Variants in RHBDL2 observed in about 807,000 individuals in gnomAD.
RHBDL2 encodes rhomboid like 2, also known as rhomboid-related protein 2.
A neutral mutation model predicts 31.7 loss-of-function variants in RHBDL2; 26 were observed. The ratio of observed to expected loss-of-function variants is 0.82; its 90% CI spans 0.60 to 1.14. RHBDL2 has a LOEUF of 1.14. Ranked by LOEUF, RHBDL2 falls within the 50% of genes most tolerant of loss-of-function variation. The pLI is 0.00. For synonymous variants in RHBDL2, 123 were observed against 127.2 expected, an observed-to-expected ratio of 0.97 and a Z score of 0.22; for missense variants, 336 against 364.4, an observed-to-expected ratio of 0.92 and a Z score of 0.63.
intron 6 of RHBDL2, among the ~76,000 whole-genome samples, chr1:38,888,425 A>G (rs144009660): frequency 2.0e-5 from 3 of 152,224 alleles, no homozygotes; most frequent in Non-Finnish European, 4.4e-5. Context: ...GCTAAGTGCT[A>G]TGGAGAAAAT....
chr1:38,924,782 CTTT>C (rs111244874), intron 1 of RHBDL2, among the ~76,000 whole-genome samples: 3 of 125,820 alleles, frequency 2.4e-5, no homozygotes, highest in Non-Finnish European at 5.0e-5. Context: ...TTTCTTTTTT[CTTT>C]TTTTTTTTTT....
At chr1:38,905,363 C>A (rs1200164674) in intron 4 of RHBDL2, among the ~76,000 whole-genome samples, 2 of 151,958 alleles carry the variant, frequency 1.3e-5, no homozygotes, top group African/African-American at 2.4e-5. Context: ...TTGTGCCCAG[C>A]CTTATTTTTC....
At chr1:38,924,572 C>T (rs61342841) in intron 1 of RHBDL2, among the ~76,000 whole-genome samples, 23,695 of 151,226 alleles carry the variant, frequency 0.16, 3,831 homozygotes, top group African/African-American at 0.41. Flanking sequence ...CCAGCCTGGG[C>T]GACAGAGCAA....
At chr1:38,896,604 A>C (rs1642921533) in intron 4 of RHBDL2, among the ~76,000 whole-genome samples, 2 of 152,212 alleles carry the variant, frequency 1.3e-5, no homozygotes, top group South Asian at 4.1e-4. Flanking sequence ...TGTTCAGTCA[A>C]AATACCTGAG....
intron 4 of RHBDL2, among the ~76,000 whole-genome samples, chr1:38,898,961 T>TGA (rs1642955365): frequency 1.3e-5 from 2 of 152,174 alleles, no homozygotes; most frequent in Non-Finnish European, 2.9e-5. Flanking sequence ...CATCTCAATC[T>TGA]TAAAATATAT....
chr1:38,909,025 G>A (rs1643105961), intron 4 of RHBDL2, among the ~76,000 whole-genome samples: 1 of 152,186 alleles, frequency 6.6e-6, no homozygotes, highest in Admixed American at 6.5e-5. Context: ...GACTGCCCCA[G>A]CCAAACTCCG....
chr1:38,918,776 C>T (rs994634305), intron 2 of RHBDL2, among the ~76,000 whole-genome samples, 191 bp downstream of exon 2: 1 of 152,088 alleles, frequency 6.6e-6, no homozygotes, highest in African/African-American at 2.4e-5. Context: ...TGGCAGTGAC[C>T]GTGAGTATAG....
intron 4 of RHBDL2, among the ~76,000 whole-genome samples, chr1:38,900,419 G>A (rs1049304140): frequency 1.3e-5 from 2 of 151,076 alleles, no homozygotes; most frequent in East Asian, 4.0e-4. Context: ...TCGGAAGTTT[G>A]AGACCAGCCT....
intron 4 of RHBDL2, among the ~76,000 whole-genome samples, chr1:38,905,065 T>C (rs930309482): frequency 6.6e-6 from 1 of 150,606 alleles, no homozygotes; most frequent in Non-Finnish European, 1.5e-5. Flanking sequence ...AATTATAGAT[T>C]TAATATTTAT....
intron 6 of RHBDL2, among the ~76,000 whole-genome samples, chr1:38,890,871 T>C (rs552544510): frequency 6.6e-6 from 1 of 152,200 alleles, no homozygotes; most frequent in Non-Finnish European, 1.5e-5. Context: ...TGACCAATTT[T>C]TTTGTAGAGA....
chr1:38,928,897 CA>C (rs58146406), intron 1 of RHBDL2, among the ~76,000 whole-genome samples: 2 of 150,904 alleles, frequency 1.3e-5, no homozygotes, highest in Non-Finnish European at 1.5e-5. Context: ...CCTTTCTCTA[CA>C]AAAAAAAATT....
At chr1:38,897,342 T>C (rs1422285172) in intron 4 of RHBDL2, among the ~76,000 whole-genome samples, 4 of 152,234 alleles carry the variant, frequency 2.6e-5, no homozygotes, top group African/African-American at 2.4e-5. Flanking sequence ...CCTCGTGATC[T>C]GCCCACCTCG....
intron 4 of RHBDL2, among the ~76,000 whole-genome samples, chr1:38,903,341 T>C (rs908557786): frequency 2.0e-5 from 3 of 151,960 alleles, no homozygotes; most frequent in Non-Finnish European, 4.4e-5. Flanking sequence ...GGTTTCACTA[T>C]GTTGCCCAGG....
intron 4 of RHBDL2, among the ~76,000 whole-genome samples, chr1:38,903,332 G>T (rs1643019385): frequency 6.6e-6 from 1 of 151,506 alleles, no homozygotes; most frequent in Admixed American, 6.6e-5. Context: ...TAGAGACGGG[G>T]TTTCACTATG....
intron 2 of RHBDL2, 45 bp from the exon 3 acceptor site, chr1:38,915,755 A>G (rs1643226313): frequency 6.2e-7 from 1 of 1,609,508 alleles, no homozygotes; most frequent in Admixed American, 1.7e-5. Context: ...CCTTCTCCAG[A>G]GAGGGGCCCC....
At chr1:38,903,526 A>G (rs1643021873) in intron 4 of RHBDL2, among the ~76,000 whole-genome samples, 1 of 152,220 alleles carries the variant, frequency 6.6e-6, no homozygotes, top group Non-Finnish European at 1.5e-5. Flanking sequence ...AAAACTCTGC[A>G]AGACATAAAC....
chr1:38,895,841 T>A (rs1024491742), intron 5 of RHBDL2, 128 bp downstream of exon 5: 1 of 636,758 alleles, frequency 1.6e-6, no homozygotes, highest in African/African-American at 1.8e-5. Flanking sequence ...AAAATGGCAT[T>A]GCCATACAAT....
At chr1:38,916,110 G>A (rs988853620) in intron 2 of RHBDL2, among the ~76,000 whole-genome samples, 3 of 152,188 alleles carry the variant, frequency 2.0e-5, no homozygotes, top group African/African-American at 7.2e-5. Context: ...TAATAGAGCA[G>A]GGAAAGGGAA....
At chr1:38,938,266 C>T (rs1325605197) in intron 1 of RHBDL2, among the ~76,000 whole-genome samples, 2 of 152,184 alleles carry the variant, frequency 1.3e-5, no homozygotes, top group South Asian at 2.1e-4. Context: ...CCGCCCGCCT[C>T]GGCCTCCCAA....
Sources: allele counts gnomAD v4.1 joint callset (sites outside exome capture counted in the v4.1 genomes callset), GRCh38; gene constraint gnomAD v4.1.1; transcripts MANE v1.5; gene names NCBI Gene and HGNC (gene_info 2026-07-23, HGNC 2026-07-21).